The following PKNOX2 variants were observed in gnomAD, a reference collection of about 807,000 sequenced individuals.
The protein encoded by PKNOX2 is homeobox protein PKNOX2.
A neutral mutation model predicts 53.1 loss-of-function variants in PKNOX2; 14 were observed. The ratio of observed to expected loss-of-function variants is 0.26; its 90% CI spans 0.17 to 0.41. PKNOX2 has a LOEUF of 0.41. Ranked by LOEUF, PKNOX2 falls within the 10% of genes least tolerant of loss-of-function variation. The pLI is 1.00. For missense variants in PKNOX2, 496 were observed against 602.8 expected, an observed-to-expected ratio of 0.82 and a Z score of 1.85; for synonymous variants, 257 against 242.8, an observed-to-expected ratio of 1.06 and a Z score of -0.54.
At position 125,370,454 on chromosome 11, in the gene PKNOX2, C is replaced by T. The variant is rs972567914; in HGVS notation, c.227+2469C>T. ...CTGCAATTAACACTTCTTCCTACTC[C>T]CCTTCCCTCCTGGGCTTTATCTTCT... On this transcript the variant is annotated intron_variant, in intron 5 of 12. Transcript: ENST00000298282. This position sits in a 1 kb window ranked among gnomAD's most constrained non-coding sequence, Gnocchi z 4.1. 6.6e-5 allele frequency among the ~76,000 whole-genome samples: 10 copies of T among 152,218 alleles called. No individual in the cohort carries two copies. The highest frequency in any genetic ancestry group is 2.4e-4 in the African/African-American group (10 of 41,454).
intron 2 of PKNOX2, among the ~76,000 whole-genome samples, chr11:125,264,614 C>T (rs2135753705): frequency 6.6e-6 from 1 of 152,164 alleles, no homozygotes; most frequent in African/African-American, 2.4e-5. Flanking sequence ...CTGTCTTGAT[C>T]TTCTACTCTG....
At chr11:125,347,207 G>C (rs1465360754) in intron 3 of PKNOX2, among the ~76,000 whole-genome samples, 1 of 152,096 alleles carries the variant, frequency 6.6e-6, no homozygotes, top group Non-Finnish European at 1.5e-5. Flanking sequence ...CAAGCGAGCT[G>C]GCCCTACTTT....
At chr11:125,389,188 C>T (rs964778453) in intron 6 of PKNOX2, among the ~76,000 whole-genome samples, 2 of 140,190 alleles carry the variant, frequency 1.4e-5, no homozygotes, top group African/African-American at 5.7e-5. Context: ...AAGTAAGACT[C>T]CATTTCAAAA....
chr11:125,379,130 G>A (rs764525574), intron 5 of PKNOX2, among the ~76,000 whole-genome samples: 4 of 150,640 alleles, frequency 2.7e-5, no homozygotes, highest in Non-Finnish European at 4.4e-5. Flanking sequence ...GCGAGATGTC[G>A]GCTCACTGCG....
At position 125,230,495 on chromosome 11, in the gene PKNOX2, C is replaced by A. The variant is rs7107424; in HGVS notation, c.-200-4550C>A. Among the ~76,000 whole-genome samples the A allele has an allele frequency of 3.7e-3, 559 of 152,226 alleles. 2 individuals are homozygous for A. Among genetic ancestry groups the A allele is most frequent in the African/African-American group, 0.013 (540 of 41,508 alleles). On this transcript the variant is annotated intron_variant, in intron 1 of 12. Transcript: ENST00000298282. ...TCAGGTGTTTGCTCCTGGAATGGCC[C>A]ATCTCAATCAGATTTTTCCACCAAA...
chr11:125,401,847 G>A (rs1033399734), intron 7 of PKNOX2, among the ~76,000 whole-genome samples: 3 of 151,990 alleles, frequency 2.0e-5, no homozygotes, highest in African/African-American at 7.3e-5. Flanking sequence ...AATCCCCCCG[G>A]CCTGAAATAG....
intron 2 of PKNOX2, among the ~76,000 whole-genome samples, chr11:125,257,828 C>T (rs1371949721): frequency 6.6e-6 from 1 of 152,208 alleles, no homozygotes; most frequent in African/African-American, 2.4e-5. Flanking sequence ...TTAGACTTTG[C>T]ATGAGAGCTC....
intron 4 of PKNOX2, among the ~76,000 whole-genome samples, chr11:125,357,327 A>G: frequency 6.6e-6 from 1 of 152,170 alleles, no homozygotes; most frequent in East Asian, 1.9e-4. Context: ...TCCAGGTCCA[A>G]CCGTGGGGCC....
intron 2 of PKNOX2, among the ~76,000 whole-genome samples, chr11:125,312,802 C>T (rs942202295): frequency 2.6e-5 from 4 of 152,118 alleles, no homozygotes; most frequent in African/African-American, 4.8e-5. Flanking sequence ...AATTACTGTC[C>T]GCCAGAGGGG....
chr11:125,255,618 A>G (rs996991446), intron 2 of PKNOX2, among the ~76,000 whole-genome samples: 5 of 152,248 alleles, frequency 3.3e-5, no homozygotes, highest in African/African-American at 1.2e-4. Context: ...ATCAACTATA[A>G]ATAAACACAT....
chr11:125,269,822 C>T lies in PKNOX2; in HGVS notation c.-130+34707C>T, dbSNP rs374232256. On this transcript the variant is annotated intron_variant, in intron 2 of 12. Coordinates refer to ENST00000298282, the MANE Select transcript of PKNOX2 (RefSeq NM_001382323.2). ...TGGTACATCCTCACGGGGTCGGGGG[C>T]GGTTGTCCTTGGACTTTTGGGGAGT... Among the ~76,000 whole-genome samples the T allele has an allele frequency of 6.2e-4, 94 of 152,232 alleles. 1 individual carries two copies. Among genetic ancestry groups the T allele is most frequent in the Middle Eastern group, 6.8e-3 (2 of 294 alleles).
At chr11:125,178,096 G>C (rs1453554392) in intron 1 of PKNOX2, among the ~76,000 whole-genome samples, 1 of 152,156 alleles carries the variant, frequency 6.6e-6, no homozygotes, top group African/African-American at 2.4e-5. Flanking sequence ...AACTAGAAAG[G>C]ACACGTGAAA....
In PKNOX2 at chr11:125,370,255, G is replaced by T. The variant is rs994815534; in HGVS notation, c.227+2270G>T. On this transcript the variant is annotated intron_variant, in intron 5 of 12. Coordinates refer to ENST00000298282, the MANE Select transcript of PKNOX2 (RefSeq NM_001382323.2). This position sits in a 1 kb window ranked among gnomAD's most constrained non-coding sequence, Gnocchi z 4.1. ...GGCCCGTGGAGGCACCTGGCCCTGC[G>T]TCCAGCACCAAACAGAGGGTTTACT... Among the ~76,000 whole-genome samples, 2 of 152,104 alleles carry T rather than the reference G, an allele frequency of 1.3e-5. No homozygotes were observed.
intron 4 of PKNOX2, among the ~76,000 whole-genome samples, chr11:125,366,444 T>C (rs762458425): frequency 2.6e-5 from 4 of 152,232 alleles, no homozygotes; most frequent in Non-Finnish European, 5.9e-5. Context: ...CAAATATTTA[T>C]TGAACACCTA....
Position 125,355,192 on chromosome 11 carries a change from G to A in PKNOX2, c.87+3800G>A, listed in dbSNP as rs570288609. Among the ~76,000 whole-genome samples, 454 of 151,728 alleles carry A rather than the reference G, an allele frequency of 3.0e-3. 1 individual carries two copies. Among genetic ancestry groups the A allele is most frequent in the Non-Finnish European group, 5.3e-3 (357 of 67,924 alleles). On this transcript the variant is annotated intron_variant, in intron 4 of 12. Coordinates refer to ENST00000298282, the MANE Select transcript of PKNOX2 (RefSeq NM_001382323.2). ...TGAGGCAAGGGAATGGCTTGAACCC[G>A]GGAGGCGGAGTTTGCAGTGAGCCAA... is the stretch of plus-strand genomic sequence containing the variant.
chr11:125,258,781 A>G, intron 2 of PKNOX2: 1 of 266,154 alleles, frequency 3.8e-6, no homozygotes, highest in Non-Finnish European at 8.0e-6. Context: ...CAGAGGGTGG[A>G]TGACTGGCAG....
chr11:125,268,187 G>A (rs552856786), intron 2 of PKNOX2, among the ~76,000 whole-genome samples: 1 of 152,288 alleles, frequency 6.6e-6, no homozygotes, highest in Admixed American at 6.5e-5. Flanking sequence ...GAAAACGTCG[G>A]CCCCCAACGC....
chr11:125,245,250 A>G (rs1943470573), intron 2 of PKNOX2, among the ~76,000 whole-genome samples: 1 of 152,130 alleles, frequency 6.6e-6, no homozygotes, highest in Non-Finnish European at 1.5e-5. Flanking sequence ...TCCTACTAAT[A>G]TACCAGTCTA....
chr11:125,245,760 C>A (rs993335440), intron 2 of PKNOX2, among the ~76,000 whole-genome samples: 19 of 152,154 alleles, frequency 1.2e-4, no homozygotes, highest in African/African-American at 4.3e-4. Flanking sequence ...GAAGGAGAGG[C>A]TCATAGGTTG....
Sources: allele counts gnomAD v4.1 joint callset (sites outside exome capture counted in the v4.1 genomes callset), GRCh38; gene constraint gnomAD v4.1.1; non-coding constraint Gnocchi (gnomAD v3.1); transcripts MANE v1.5; gene names NCBI Gene and HGNC (gene_info 2026-07-23, HGNC 2026-07-21).